KCNIP4: variants seen among roughly 807,000 people sequenced by gnomAD.
KCNIP4 encodes the protein potassium voltage-gated channel interacting protein 4, also known as Kv channel-interacting protein 4.
Under a neutral mutation model 34.0 loss-of-function variants are expected in KCNIP4, and 12 were observed. That is an observed-to-expected ratio of 0.35 (90% CI 0.23 to 0.57). The LOEUF is 0.57. Ranked by LOEUF, KCNIP4 falls within the 20% of genes least tolerant of loss-of-function variation. The pLI, the probability that KCNIP4 is intolerant of heterozygous loss-of-function variation, is 0.83. For missense variants in KCNIP4, 238 were observed against 311.7 expected (o/e 0.76, Z 1.78); for synonymous variants, 124 against 102.2 (o/e 1.21, Z -1.29).
chr4:20,971,768 T>G (rs2149677955), intron 1 of KCNIP4, among the ~76,000 whole-genome samples: 1 of 152,322 alleles, frequency 6.6e-6, no homozygotes, highest in South Asian at 2.1e-4. Context: ...ACAATGAAAT[T>G]TGCCTCATTG....
chr4:21,647,672 A>C (rs980942229), intron 1 of KCNIP4, among the ~76,000 whole-genome samples: 1 of 152,072 alleles, frequency 6.6e-6, no homozygotes, highest in African/African-American at 2.4e-5. Flanking sequence ...ATTGTCCCTC[A>C]TCTTCCTGCT....
intron 1 of KCNIP4, among the ~76,000 whole-genome samples, chr4:21,258,827 G>C (rs1272672569): frequency 1.3e-5 from 2 of 151,980 alleles, no homozygotes; most frequent in Admixed American, 6.6e-5. Flanking sequence ...TCCTACATTT[G>C]CATAAAGCTG....
chr4:20,878,627 A>G (rs914343035), intron 2 of KCNIP4, among the ~76,000 whole-genome samples: 1 of 152,234 alleles, frequency 6.6e-6, no homozygotes, highest in Non-Finnish European at 1.5e-5. Context: ...AGTGTCTAGT[A>G]TCATGCCTGC....
intron 1 of KCNIP4, among the ~76,000 whole-genome samples, chr4:21,791,409 T>G (rs1216322633): frequency 6.6e-6 from 1 of 152,122 alleles, no homozygotes; most frequent in Non-Finnish European, 1.5e-5. Context: ...GAGGGGACAT[T>G]CATTCTATAG....
intron 1 of KCNIP4, among the ~76,000 whole-genome samples, chr4:21,755,352 C>A (rs557185938): frequency 6.6e-6 from 1 of 152,238 alleles, no homozygotes; most frequent in East Asian, 1.9e-4. Flanking sequence ...AAATGAATGA[C>A]TCATTTAGTT....
chr4:21,319,605 T>C (rs1714163468), intron 1 of KCNIP4, among the ~76,000 whole-genome samples: 1 of 152,126 alleles, frequency 6.6e-6, no homozygotes, highest in Non-Finnish European at 1.5e-5. Flanking sequence ...CTGATAAATA[T>C]CTATGCACAC....
chr4:21,771,661 T>C (rs936988656), intron 1 of KCNIP4, among the ~76,000 whole-genome samples: 2 of 152,094 alleles, frequency 1.3e-5, no homozygotes, highest in African/African-American at 4.8e-5. Context: ...TTAGCTGTAC[T>C]CCTAGGTATT....
At position 20,860,287 on chromosome 4, in the gene KCNIP4, G is replaced by A. The variant is rs1352483646; in HGVS notation, c.164-9620C>T. The stretch of plus-strand genomic sequence containing the variant: ...TCCAAGTAGCTGGAATTACAGGAAC[G>A]CCCCACCACACCTGGCTAATTTTTG... On this transcript the variant is annotated intron_variant, in intron 2 of 8. Transcript: ENST00000382152. 3.3e-5 allele frequency among the ~76,000 whole-genome samples: 5 copies of A among 151,924 alleles called. No individual in the cohort carries two copies. The South Asian group carries it at 6.2e-4, about 19-fold the overall frequency.
intron 1 of KCNIP4, among the ~76,000 whole-genome samples, chr4:21,511,454 T>C (rs747420759): frequency 1.3e-5 from 2 of 152,152 alleles, no homozygotes; most frequent in Non-Finnish European, 2.9e-5. Context: ...TATTGCATTA[T>C]GTAGATGACA....
intron 1 of KCNIP4, among the ~76,000 whole-genome samples, chr4:21,527,787 A>G (rs1201074412): frequency 6.6e-6 from 1 of 152,168 alleles, no homozygotes; most frequent in African/African-American, 2.4e-5. Flanking sequence ...AATATTGTAT[A>G]ATCAGACTTT....
intron 1 of KCNIP4, among the ~76,000 whole-genome samples, chr4:21,714,419 A>C (rs1044989720): frequency 1.3e-5 from 2 of 152,070 alleles, no homozygotes. Flanking sequence ...AGAGAAGGAA[A>C]GGGACAAGGG....
intron 1 of KCNIP4, among the ~76,000 whole-genome samples, chr4:21,598,549 C>T (rs1742836163): frequency 6.6e-6 from 1 of 151,966 alleles, no homozygotes; most frequent in Non-Finnish European, 1.5e-5. Context: ...TGGGGTTTAT[C>T]AACTCCTATG....
intron 1 of KCNIP4, among the ~76,000 whole-genome samples, chr4:21,807,221 A>G (rs1721350379): frequency 6.6e-6 from 1 of 152,184 alleles, no homozygotes; most frequent in South Asian, 2.1e-4. Context: ...AGCTGTAAAT[A>G]CAGACAAAGC....
At chr4:21,486,157 C>T (rs762760126) in intron 1 of KCNIP4, among the ~76,000 whole-genome samples, 13 of 152,258 alleles carry the variant, frequency 8.5e-5, no homozygotes, top group Non-Finnish European at 1.8e-4. Flanking sequence ...AAAATGTGTT[C>T]TGATACTTTT....
intron 1 of KCNIP4, among the ~76,000 whole-genome samples, chr4:20,934,043 A>G (rs990725783): frequency 1.3e-5 from 2 of 152,240 alleles, no homozygotes; most frequent in African/African-American, 4.8e-5. Flanking sequence ...TTATTCAAGT[A>G]AGTATGAAAG....
intron 1 of KCNIP4, among the ~76,000 whole-genome samples, chr4:21,281,697 T>A (rs1206490898): frequency 6.6e-6 from 1 of 152,190 alleles, no homozygotes; most frequent in Non-Finnish European, 1.5e-5. Flanking sequence ...CATGAGAGTG[T>A]TGGGTTTATT....
rs573873182 is a variant in KCNIP4, at chr4:21,646,989, G to A, written c.61+301582C>T. On this transcript the variant is annotated intron_variant, in intron 1 of 8. Coordinates refer to ENST00000382152, the MANE Select transcript of KCNIP4 (RefSeq NM_025221.6). ...AAAAAAATCTAGAAAGTTTTGAGGG[G>A]AAAAAAAACCACAACAGTTTTTCAG... Among the ~76,000 whole-genome samples the A allele has an allele frequency of 2.3e-3, 351 of 151,530 alleles. 1 individual carries two copies. The highest frequency in any genetic ancestry group is 0.01 in the Middle Eastern group (3 of 294).
At chr4:20,734,801 T>C in intron 5 of KCNIP4, 66 bp from the exon 6 acceptor site, 3 of 688,044 alleles carry the variant, frequency 4.4e-6, no homozygotes, top group Non-Finnish European at 6.9e-6. Context: ...AAAAAACAAA[T>C]GATGTAAGTA....
At chr4:20,816,264 A>C (rs1412819449) in intron 3 of KCNIP4, among the ~76,000 whole-genome samples, 2 of 152,070 alleles carry the variant, frequency 1.3e-5, no homozygotes, top group Middle Eastern at 3.4e-3. Context: ...AAAAAAAAAA[A>C]AAAAAACCTT....
Sources: allele counts gnomAD v4.1 joint callset (sites outside exome capture counted in the v4.1 genomes callset), GRCh38; gene constraint gnomAD v4.1.1; transcripts MANE v1.5; gene names NCBI Gene and HGNC (gene_info 2026-07-23, HGNC 2026-07-21).